Variants in TENM2 observed in about 807,000 individuals in gnomAD.
TENM2 encodes the protein teneurin transmembrane protein 2.
Under a neutral mutation model 245.2 loss-of-function variants are expected in TENM2, and 52 were observed. That is an observed-to-expected ratio of 0.21 (90% CI 0.17 to 0.27). The LOEUF is 0.27. TENM2 is among the 10% of genes least tolerant of loss of function. The probability of loss-of-function intolerance (pLI) is 1.00; values close to 1 mark genes in which losing one functional copy is unlikely to be tolerated. For synonymous variants in TENM2, 1,363 were observed against 1,438.9 expected, an observed-to-expected ratio of 0.95 and a Z score of 1.19; for missense variants, 3,046 against 3,666.8, an observed-to-expected ratio of 0.83 and a Z score of 4.37.
intron 2 of TENM2, among the ~76,000 whole-genome samples, chr5:167,423,152 ATTTTCT>A (rs1404470963): frequency 2.0e-5 from 3 of 151,550 alleles, no homozygotes; most frequent in Non-Finnish European, 4.4e-5. Context: ...CTATTTTTTC[ATTTTCT>A]TTTTATGATT....
intron 4 of TENM2, chr5:167,965,320 TTG>T (rs1457288174): frequency 6.6e-6 from 1 of 152,238 alleles, no homozygotes; most frequent in African/African-American, 2.4e-5. Context: ...CAGACTTATT[TTG>T]ATTCTAAAAT....
chr5:167,839,731 C>A (rs1458901850), intron 2 of TENM2, among the ~76,000 whole-genome samples: 1 of 152,064 alleles, frequency 6.6e-6, no homozygotes, highest in Non-Finnish European at 1.5e-5. Flanking sequence ...GGAAGGAATA[C>A]CAGTTTTTGC....
the TENM2 span, among the ~76,000 whole-genome samples, chr5:167,247,813 A>T: frequency 2.0e-5 from 3 of 152,178 alleles, no homozygotes; most frequent in Non-Finnish European, 2.9e-5. Context: ...AGAGCTGTAG[A>T]ACCTCTAATG....
At chr5:168,065,883 C>A (rs1790459317) in intron 7 of TENM2, among the ~76,000 whole-genome samples, 1 of 148,492 alleles carries the variant, frequency 6.7e-6, no homozygotes, top group East Asian at 2.0e-4. Context: ...TTATGCTACA[C>A]CATTAGTGGC....
At chr5:168,053,723 G>C (rs1178158109) in intron 6 of TENM2, among the ~76,000 whole-genome samples, 1 of 152,196 alleles carries the variant, frequency 6.6e-6, no homozygotes, top group African/African-American at 2.4e-5. Flanking sequence ...AAGAGCTTGA[G>C]CATTTACAGA....
At chr5:167,276,462 CTATT>C in the TENM2 span, among the ~76,000 whole-genome samples, 1 of 150,404 alleles carries the variant, frequency 6.6e-6, no homozygotes, top group South Asian at 2.1e-4. Context: ...TTCAAATGAT[CTATT>C]TAATATTTCA....
chr5:167,906,399 C>G (rs142398246), intron 3 of TENM2, among the ~76,000 whole-genome samples: 2 of 152,294 alleles, frequency 1.3e-5, no homozygotes, highest in East Asian at 3.9e-4. Context: ...CAAGCCGCAC[C>G]AGGGAGCTGA....
At chr5:167,266,860 A>G in the TENM2 span, among the ~76,000 whole-genome samples, 1 of 152,208 alleles carries the variant, frequency 6.6e-6, no homozygotes, top group South Asian at 2.1e-4. Flanking sequence ...TGAATGTGCC[A>G]TGCTAGATGA....
At chr5:168,227,802 A>C (rs1010433362) in intron 24 of TENM2, 93 bp from the exon 27 acceptor site, 3 of 795,134 alleles carry the variant, frequency 3.8e-6, no homozygotes, top group Non-Finnish European at 5.9e-6. Context: ...TACCATGGAA[A>C]CCTATTAAAA....
rs77755002 is a variant in TENM2, at chr5:167,383,899, A to C, written c.502+8426A>C. ...ATATATGAACAGGTTACATAAATACAGAAATGTATACATTGGAGATGTGTC... is the reference window on the plus strand; with the variant it reads ...ATATATGAACAGGTTACATAAATACCGAAATGTATACATTGGAGATGTGTC... On this transcript the variant is annotated intron_variant, in intron 2 of 28. Coordinates refer to ENST00000518659, the Ensembl canonical transcript of TENM2. 2.0e-4 allele frequency among the ~76,000 whole-genome samples: 30 copies of C among 152,320 alleles called. No homozygotes were observed. The East Asian group carries it at 5.8e-3, about 29-fold the overall frequency.
At chr5:167,168,537 G>T in the TENM2 span, 1 of 152,080 alleles carries the variant, frequency 6.6e-6, no homozygotes, top group African/African-American at 2.4e-5. Context: ...TCACTTACTT[G>T]TGCTTCTTCT....
intron 7 of TENM2, among the ~76,000 whole-genome samples, chr5:168,090,264 G>A (rs1374374306): frequency 9.0e-6 from 1 of 111,152 alleles, no homozygotes; most frequent in Non-Finnish European, 1.9e-5. Flanking sequence ...ACACACACAC[G>A]ATGCACACAT....
intron 2 of TENM2, among the ~76,000 whole-genome samples, chr5:167,655,232 G>A (rs1754765132): frequency 2.0e-5 from 3 of 152,114 alleles, no homozygotes; most frequent in Admixed American, 6.5e-5. Context: ...AAGCAAGACA[G>A]CTCCAGTGAA....
chr5:167,253,122 C>T, the TENM2 span, among the ~76,000 whole-genome samples: 1 of 151,730 alleles, frequency 6.6e-6, no homozygotes, highest in Non-Finnish European at 1.5e-5. Context: ...AGACAGGGTT[C>T]ACTCCATCAC....
At chr5:167,560,181 C>G (rs1773497004) in intron 2 of TENM2, among the ~76,000 whole-genome samples, 1 of 152,218 alleles carries the variant, frequency 6.6e-6, no homozygotes, top group Admixed American at 6.5e-5. Context: ...CAGTCCACAT[C>G]TACTGAATCA....
intron 2 of TENM2, among the ~76,000 whole-genome samples, chr5:167,545,445 A>G (rs1230290939): frequency 6.6e-6 from 1 of 152,220 alleles, no homozygotes; most frequent in Non-Finnish European, 1.5e-5. Flanking sequence ...GCACCTGCAC[A>G]CAATGAAAGT....
intron 6 of TENM2, 130 bp from the exon 9 acceptor site, chr5:168,061,930 A>T: frequency 1.2e-6 from 1 of 832,872 alleles, no homozygotes; most frequent in South Asian, 1.9e-5. Context: ...CTTAAAAAGA[A>T]ACTTGCCATG....
At chr5:167,179,163 A>G in the TENM2 span, among the ~76,000 whole-genome samples, 1 of 152,154 alleles carries the variant, frequency 6.6e-6, no homozygotes, top group Non-Finnish European at 1.5e-5. Flanking sequence ...ATGGAAACAT[A>G]TTTTTAATTG....
the TENM2 span, among the ~76,000 whole-genome samples, chr5:167,012,681 G>T: frequency 1.3e-5 from 2 of 152,156 alleles, no homozygotes; most frequent in Admixed American, 1.3e-4. Flanking sequence ...CCCAACCAAA[G>T]GGAGATGTAG....
Sources: gnomAD v4.1 joint callset for allele counts (sites outside exome capture counted in the v4.1 genomes callset) on GRCh38, gnomAD v4.1.1 for gene constraint, MANE v1.5 for transcripts, NCBI Gene and HGNC (gene_info 2026-07-23, HGNC 2026-07-21) for gene names.